HDAC9: variants seen among roughly 807,000 people sequenced by gnomAD.
HDAC9 encodes the protein MEF-2 interacting transcription repressor (MITR) protein.
Under a neutral mutation model 139.4 loss-of-function variants are expected in HDAC9, and 41 were observed. The ratio of observed to expected loss-of-function variants is 0.29; its 90% CI spans 0.23 to 0.38. The LOEUF (loss-of-function observed/expected upper bound fraction) is 0.38. HDAC9 is among the 10% of genes least tolerant of loss of function. The pLI, the probability that HDAC9 is intolerant of heterozygous loss-of-function variation, is 1.00. For synonymous variants in HDAC9, 517 were observed against 476.2 expected, an observed-to-expected ratio of 1.09 and a Z score of -1.12; for missense variants, 1,147 against 1,297.0, an observed-to-expected ratio of 0.88 and a Z score of 1.78.
At chr7:18,879,200 G>A (rs1799541987) in intron 22 of HDAC9, among the ~76,000 whole-genome samples, 1 of 152,124 alleles carries the variant, frequency 6.6e-6, no homozygotes, top group Non-Finnish European at 1.5e-5. Context: ...GTCATAGACA[G>A]GAAGAATCAA....
intron 24 of HDAC9, among the ~76,000 whole-genome samples, chr7:18,972,526 A>G (rs1313405995): frequency 6.6e-6 from 1 of 151,854 alleles, no homozygotes; most frequent in East Asian, 1.9e-4. Context: ...GATTATAGGC[A>G]TGCACCACCA....
chr7:18,216,895 GTTA>G (rs1288451933), intron 2 of HDAC9, among the ~76,000 whole-genome samples: 1 of 152,104 alleles, frequency 6.6e-6, no homozygotes, highest in African/African-American at 2.4e-5. Context: ...CATTTGCATA[GTTA>G]TTATGACAGT....
intron 2 of HDAC9, among the ~76,000 whole-genome samples, chr7:18,252,576 G>T (rs1794984302): frequency 6.6e-6 from 1 of 152,030 alleles, no homozygotes; most frequent in African/African-American, 2.4e-5. Context: ...GATTTTTGGA[G>T]TTGTATATAA....
At chr7:18,966,929 A>T (rs1003956057) in intron 24 of HDAC9, among the ~76,000 whole-genome samples, 3 of 152,202 alleles carry the variant, frequency 2.0e-5, no homozygotes, top group Non-Finnish European at 4.4e-5. Flanking sequence ...CGCTATCAAC[A>T]TTATTAGCTG....
chr7:18,298,764 A>G (rs1798322090), intron 1 of HDAC9, among the ~76,000 whole-genome samples: 1 of 152,214 alleles, frequency 6.6e-6, no homozygotes, highest in Admixed American at 6.5e-5. Context: ...ATATAGCTAT[A>G]GCTGTGAGTT....
intron 15 of HDAC9, among the ~76,000 whole-genome samples, chr7:18,762,574 G>C (rs1789484661): frequency 6.6e-6 from 1 of 152,158 alleles, no homozygotes; most frequent in Non-Finnish European, 1.5e-5. Context: ...AATTTATTGT[G>C]TTTTCAAACT....
chr7:18,100,558 G>A (rs752299177), intron 1 of HDAC9, among the ~76,000 whole-genome samples: 5 of 152,112 alleles, frequency 3.3e-5, no homozygotes, highest in Non-Finnish European at 7.4e-5. Flanking sequence ...GTCATATTTA[G>A]TGTGTTCTCC....
At chr7:18,514,623 T>C (rs1802589453) in intron 2 of HDAC9, among the ~76,000 whole-genome samples, 1 of 152,240 alleles carries the variant, frequency 6.6e-6, no homozygotes, top group Non-Finnish European at 1.5e-5. Flanking sequence ...AGCTATCTTT[T>C]TTCCCCAGTT....
At chr7:18,755,246 C>T (rs1584980015) in intron 14 of HDAC9, among the ~76,000 whole-genome samples, 2 of 152,150 alleles carry the variant, frequency 1.3e-5, no homozygotes, top group East Asian at 1.9e-4. Context: ...GATAAATATA[C>T]CAAAACTAAT....
chr7:18,833,976 A>T (rs1044764311), intron 19 of HDAC9, among the ~76,000 whole-genome samples: 4 of 152,188 alleles, frequency 2.6e-5, no homozygotes, highest in Non-Finnish European at 4.4e-5. Context: ...GATCAAACAG[A>T]TTATGAATGT....
intron 1 of HDAC9, among the ~76,000 whole-genome samples, chr7:18,140,570 G>T (rs1222826274): frequency 6.6e-6 from 1 of 152,014 alleles, no homozygotes; most frequent in East Asian, 1.9e-4. Flanking sequence ...TTATGCTTAG[G>T]CTATTGATTA....
rs551251695 is a variant in HDAC9 at position 18,483,549 on chromosome 7, A to G, written c.-41-12713A>G. Among the ~76,000 whole-genome samples the G allele has an allele frequency of 6.4e-4, 98 of 152,238 alleles. No individual in the cohort carries two copies. In the South Asian group the frequency reaches 0.011, roughly 17 times the overall value. On this transcript the variant is annotated intron_variant, in intron 1 of 3. Coordinates refer to the HDAC9 transcript ENST00000413509. Reference sequence around the variant, plus strand: ...CTGGGAAAGAGGGTTTTTGGAATGAAGGGTGGCCATGTTGTCTAATGTGTC... The same window carrying G: ...CTGGGAAAGAGGGTTTTTGGAATGAGGGGTGGCCATGTTGTCTAATGTGTC...
chr7:18,423,487 A>G (rs1789832651), intron 1 of HDAC9, among the ~76,000 whole-genome samples: 1 of 152,240 alleles, frequency 6.6e-6, no homozygotes, highest in South Asian at 2.1e-4. Flanking sequence ...ACGAAGCACT[A>G]TTTTCATTTT....
chr7:18,249,927 A>T (rs1794811729), intron 2 of HDAC9, among the ~76,000 whole-genome samples: 1 of 152,210 alleles, frequency 6.6e-6, no homozygotes, highest in African/African-American at 2.4e-5. Context: ...ATTCTACTCT[A>T]GGAACTGGAA....
chr7:18,778,185 C>G (rs1585020624), intron 16 of HDAC9, among the ~76,000 whole-genome samples: 1 of 151,850 alleles, frequency 6.6e-6, no homozygotes. Context: ...GAGAATAGCC[C>G]TAGCCGTAAG....
chr7:18,123,634 G>A (rs1443798903), intron 1 of HDAC9, among the ~76,000 whole-genome samples: 1 of 152,082 alleles, frequency 6.6e-6, no homozygotes, highest in Non-Finnish European at 1.5e-5. Flanking sequence ...TTGGCAATGA[G>A]GATCAGCATT....
At chr7:18,247,778 A>T (rs1386771986) in intron 2 of HDAC9, among the ~76,000 whole-genome samples, 2 of 152,246 alleles carry the variant, frequency 1.3e-5, no homozygotes, top group Non-Finnish European at 2.9e-5. Flanking sequence ...TCATTTAAAA[A>T]GAATAATAAA....
intron 2 of HDAC9, among the ~76,000 whole-genome samples, chr7:18,248,783 A>G (rs988926229): frequency 2.8e-4 from 42 of 152,324 alleles, no homozygotes; most frequent in Non-Finnish European, 4.6e-4. Flanking sequence ...TGTGCCAAGT[A>G]TTATGCTAAA....
intron 1 of HDAC9, among the ~76,000 whole-genome samples, chr7:18,144,104 A>T (rs908176224): frequency 6.6e-6 from 1 of 152,252 alleles, no homozygotes; most frequent in Non-Finnish European, 1.5e-5. Context: ...AAATAATAAA[A>T]GCAGTGTTAT....
Sources: allele counts gnomAD v4.1 joint callset (sites outside exome capture counted in the v4.1 genomes callset), GRCh38; gene constraint gnomAD v4.1.1; transcripts MANE v1.5; gene names NCBI Gene and HGNC (gene_info 2026-07-23, HGNC 2026-07-21).